CNTLN: variants seen among roughly 807,000 people sequenced by gnomAD.
The protein encoded by CNTLN is centlein, centrosomal protein.
CNTLN carries 212 observed loss-of-function variants against 180.0 expected under a neutral mutation model. The observed-to-expected ratio is 1.18, with a 90% CI of 1.05 to 1.32. The LOEUF (loss-of-function observed/expected upper bound fraction) is 1.32. CNTLN is among the 40% of genes most tolerant of loss of function. The pLI is 0.00. For synonymous variants in CNTLN, 722 were observed against 563.1 expected, an observed-to-expected ratio of 1.28 and a Z score of -3.99; for missense variants, 2,095 against 1,610.9, an observed-to-expected ratio of 1.30 and a Z score of -5.14.
intron 2 of CNTLN, among the ~76,000 whole-genome samples, chr9:17,158,202 A>C (rs1819432418): frequency 6.6e-6 from 1 of 152,162 alleles, no homozygotes. Flanking sequence ...TAGTACATAA[A>C]TTGATTTTCA....
At chr9:17,225,908 C>A (rs1304948220) in intron 2 of CNTLN, among the ~76,000 whole-genome samples, 2 of 151,898 alleles carry the variant, frequency 1.3e-5, no homozygotes, top group Non-Finnish European at 2.9e-5. Flanking sequence ...TTAACAAGAA[C>A]ATGTTTACTT....
chr9:17,235,633 C>A, intron 3 of CNTLN, 25 bp from the exon 4 acceptor site: 12 of 1,432,782 alleles, frequency 8.4e-6, no homozygotes, highest in South Asian at 5.3e-5. Context: ...AAAAGCTCAC[C>A]AGTAATTTAA....
At chr9:17,434,420 A>G (rs1178968741) in intron 18 of CNTLN, among the ~76,000 whole-genome samples, 1 of 151,892 alleles carries the variant, frequency 6.6e-6, no homozygotes, top group South Asian at 2.1e-4. Flanking sequence ...AATATACTAT[A>G]TTTTACATTT....
chr9:17,491,413 T>A (rs796750245), intron 25 of CNTLN, among the ~76,000 whole-genome samples: 1 of 152,054 alleles, frequency 6.6e-6, no homozygotes, highest in Admixed American at 6.6e-5. Flanking sequence ...TGAGTAGAAT[T>A]ATGGGTGGGT....
Position 17,226,286 on chromosome 9 carries a change from A to G in CNTLN, c.533A>G (p.Gln178Arg), listed in dbSNP as rs537537077. The G allele has an allele frequency of 3.9e-6, 6 of 1,519,088 alleles. No individual in the cohort carries two copies. The highest frequency in any genetic ancestry group is 5.3e-6 in the Non-Finnish European group (6 of 1,124,696). The allele number at this position is 1,519,088 out of a possible 1,614,324, so 94.1% of individuals were successfully genotyped here. A position where few individuals can be genotyped will look rare whatever the true frequency, so the allele number is the denominator to read the frequency against. Residue 178 changes from glutamine to arginine, a missense_variant and splice_region_variant, in exon 3 of 26, where the codon CAG becomes CGG. Transcript: ENST00000380647. ...VKDAKIQEFE[Q>R]RESVLKQEIN... ...GATGCCAAAATACAAGAATTTGAAC[A>G]GGTTGGTGTTATAATAAAAATATTT...
intron 6 of CNTLN, among the ~76,000 whole-genome samples, chr9:17,292,229 A>G (rs1829464454): frequency 6.6e-6 from 1 of 152,008 alleles, no homozygotes; most frequent in African/African-American, 2.4e-5. Context: ...GCTGCTGTTA[A>G]CATTTTTTTT....
intron 12 of CNTLN, among the ~76,000 whole-genome samples, chr9:17,361,815 C>T (rs1224496376): frequency 6.6e-6 from 1 of 152,198 alleles, no homozygotes; most frequent in African/African-American, 2.4e-5. Context: ...TCTGTGCTGC[C>T]TATTGTCCAG....
At chr9:17,457,402 A>C in intron 18 of CNTLN, 122 bp from the exon 19 acceptor site, 1 of 543,858 alleles carries the variant, frequency 1.8e-6, no homozygotes, top group African/African-American at 2.0e-5. Flanking sequence ...TATAATAACT[A>C]TAATTAATTT....
intron 6 of CNTLN, among the ~76,000 whole-genome samples, chr9:17,293,287 G>A (rs561383118): frequency 1.3e-5 from 2 of 152,356 alleles, no homozygotes; most frequent in African/African-American, 4.8e-5. Flanking sequence ...AAGCATTCTG[G>A]CTGCCCCTTG....
chr9:17,365,813 G>A (rs1823770815), intron 12 of CNTLN, among the ~76,000 whole-genome samples: 1 of 152,016 alleles, frequency 6.6e-6, no homozygotes, highest in African/African-American at 2.4e-5. Context: ...GGGCATGGTG[G>A]CACACACCTG....
At chr9:17,238,277 T>C (rs902311314) in intron 5 of CNTLN, among the ~76,000 whole-genome samples, 3 of 152,218 alleles carry the variant, frequency 2.0e-5, no homozygotes, top group African/African-American at 4.8e-5. Context: ...TCTTCTCAAA[T>C]GTTTAAAGGT....
chr9:17,426,454 G>C (rs1023520133), intron 18 of CNTLN, among the ~76,000 whole-genome samples: 1 of 151,892 alleles, frequency 6.6e-6, no homozygotes, highest in African/African-American at 2.4e-5. Flanking sequence ...GTCTTGTTTC[G>C]ATAGTCTTCC....
At chr9:17,319,456 AT>A (rs1177790121) in intron 8 of CNTLN, among the ~76,000 whole-genome samples, 1 of 152,050 alleles carries the variant, frequency 6.6e-6, no homozygotes, top group Non-Finnish European at 1.5e-5. Flanking sequence ...GTTTTATTTC[AT>A]TTTTTTCTAT....
At chr9:17,143,859 A>G (rs1818272180) in intron 2 of CNTLN, among the ~76,000 whole-genome samples, 1 of 152,208 alleles carries the variant, frequency 6.6e-6, no homozygotes, top group African/African-American at 2.4e-5. Flanking sequence ...ACTCCATATT[A>G]TCCTGTAGGA....
At chr9:17,177,322 T>A (rs1820779783) in intron 2 of CNTLN, among the ~76,000 whole-genome samples, 2 of 152,002 alleles carry the variant, frequency 1.3e-5, no homozygotes, top group South Asian at 4.1e-4. Flanking sequence ...GGTAGGAGAA[T>A]GGCGTGAACC....
intron 12 of CNTLN, among the ~76,000 whole-genome samples, chr9:17,346,465 G>T (rs1325779499): frequency 6.6e-6 from 1 of 152,194 alleles, no homozygotes; most frequent in Non-Finnish European, 1.5e-5. Context: ...GACACAGCTA[G>T]ACCATATCAC....
intron 15 of CNTLN, among the ~76,000 whole-genome samples, chr9:17,403,539 G>A (rs1827144250): frequency 1.7e-5 from 1 of 58,948 alleles, no homozygotes; most frequent in Non-Finnish European, 3.8e-5. Flanking sequence ...CATGGAGGAG[G>A]CATCAATTTT....
chr9:17,412,032 A>G (rs953956727), intron 16 of CNTLN, among the ~76,000 whole-genome samples: 2 of 107,654 alleles, frequency 1.9e-5, no homozygotes, highest in Non-Finnish European at 3.8e-5. Flanking sequence ...CCCCCTCCCC[A>G]TGATGTCAAT....
chr9:17,253,192 G>A (rs1276509786), intron 5 of CNTLN, among the ~76,000 whole-genome samples: 2 of 151,724 alleles, frequency 1.3e-5, no homozygotes, highest in Non-Finnish European at 3.0e-5. Context: ...ATGTTTTGAA[G>A]TCAGATAGTC....
Sources: allele counts gnomAD v4.1 joint callset (sites outside exome capture counted in the v4.1 genomes callset), GRCh38; gene constraint gnomAD v4.1.1; transcripts MANE v1.5; gene names NCBI Gene and HGNC (gene_info 2026-07-23, HGNC 2026-07-21).